Variants in TASOR2 observed in about 807,000 individuals in gnomAD.
The protein encoded by TASOR2 is protein TASOR 2.
In TASOR2, 84 loss-of-function variants were observed where a neutral mutation model predicts 199.5. The ratio of observed to expected loss-of-function variants is 0.42; its 90% confidence interval spans 0.35 to 0.50. The LOEUF (loss-of-function observed/expected upper bound fraction) is 0.50, where lower values mean the gene tolerates loss of function less well. Ranked by LOEUF, TASOR2 falls within the 20% of genes least tolerant of loss-of-function variation. The pLI is 0.02. For missense variants in TASOR2, 2,796 were observed against 2,835.9 expected (o/e 0.99, Z 0.32); for synonymous variants, 1,103 against 1,046.6 (o/e 1.05, Z -1.04).
chr10:5,761,615 C>T, intron 19 of TASOR2, 144 bp downstream of exon 20: 1 of 670,794 alleles, frequency 1.5e-6, no homozygotes. Flanking sequence ...TCTGCTGAAG[C>T]TGAAGCCCTT....
At chr10:5,732,062 G>A (rs1330082377) in intron 11 of TASOR2, among the ~76,000 whole-genome samples, 5 of 152,236 alleles carry the variant, frequency 3.3e-5, no homozygotes, top group African/African-American at 1.2e-4. Context: ...GAGAATTAGA[G>A]TCTTGAGCTA....
At chr10:5,757,825 T>G (rs538093072) in intron 17 of TASOR2, 152 bp downstream of exon 18, 1 of 740,050 alleles carries the variant, frequency 1.4e-6, no homozygotes, top group South Asian at 1.8e-5. Context: ...TGCTGTGCTC[T>G]TTTCATACAG....
intron 3 of TASOR2, among the ~76,000 whole-genome samples, chr10:5,718,254 A>G (rs907685235): frequency 6.6e-6 from 1 of 151,956 alleles, no homozygotes; most frequent in Admixed American, 6.6e-5. Flanking sequence ...TTTTCACCCA[A>G]ACAGAAGGGA....
At chr10:5,724,620 A>ATT (rs1564299058) in intron 8 of TASOR2, 87 bp downstream of exon 9, 7 of 89,566 alleles carry the variant, frequency 7.8e-5, no homozygotes, top group Non-Finnish European at 1.1e-4. Flanking sequence ...ATATATATAT[A>ATT]TTATATATAT....
At chr10:5,759,035 G>A in intron 18 of TASOR2, 43 bp downstream of exon 19, 2 of 1,445,146 alleles carry the variant, frequency 1.4e-6, no homozygotes, top group South Asian at 1.2e-5. Flanking sequence ...CCCTGCTGGG[G>A]TAGCAGAGAA....
At chr10:5,691,505 C>G (rs1836425280) in intron 1 of TASOR2, among the ~76,000 whole-genome samples, 2 of 152,188 alleles carry the variant, frequency 1.3e-5, no homozygotes, top group African/African-American at 4.8e-5. Context: ...TTGTCTCCTA[C>G]TGGATATACT....
rs755837778 is a variant in TASOR2 at position 5,720,309 on chromosome 10, C to T, written c.-99-235C>T. 8 of 985,144 alleles carry T rather than the reference C, an allele frequency of 8.1e-6. No individual in the cohort carries two copies. The highest frequency in any genetic ancestry group is 9.6e-6 in the Non-Finnish European group (8 of 829,812). 61.0% of individuals were successfully genotyped at this position (985,144 alleles called of 1,614,324 possible). A position where few individuals can be genotyped will look rare whatever the true frequency, so the allele number is the denominator to read the frequency against. Reference sequence around the variant, plus strand: ...AATTATACAACTAACTATACTAAGCCATCTTCTGGCTATGATTGCCACGTG... The same window carrying T: ...AATTATACAACTAACTATACTAAGCTATCTTCTGGCTATGATTGCCACGTG... On this transcript the variant is annotated intron_variant, in intron 3 of 20. Coordinates refer to ENST00000328090, the Ensembl canonical transcript of TASOR2. The surrounding 1 kb of genome is among the most constrained non-coding windows in gnomAD (Gnocchi z 5.3).
At position 5,698,858 on chromosome 10, in the gene TASOR2, T is replaced by G. The variant is rs1837460177; in HGVS notation, c.-288+13683T>G. The stretch of plus-strand genomic sequence containing the variant: ...AGTGTTGGTAATGCTGTGAAAAAAT[T>G]GGAACCTTCTGTATACTGCTGGTGG... On this transcript the variant is annotated intron_variant, in intron 1 of 20. Coordinates refer to ENST00000328090, the Ensembl canonical transcript of TASOR2. The surrounding 1 kb of genome is among the most constrained non-coding windows in gnomAD (Gnocchi z 4.4). 6.6e-6 allele frequency among the ~76,000 whole-genome samples: 1 copy of G among 152,178 alleles called. No individual in the cohort carries two copies. Among genetic ancestry groups the G allele is most frequent in the Non-Finnish European group, 1.5e-5 (1 of 68,020 alleles).
In TASOR2 at chr10:5,738,684, T is replaced by A. The variant is rs1835951547; in HGVS notation, c.1448-934T>A. On this transcript the variant is annotated intron_variant, in intron 12 of 20. Transcript: ENST00000328090. This position sits in a 1 kb window ranked among gnomAD's most constrained non-coding sequence, Gnocchi z 4.7. ...CTCATTGGCCTTGGCTGGCAGGTTG[T>A]TAATTCATTTTGGACCTGCTACTAT... Among the ~76,000 whole-genome samples, 1 of 152,252 alleles carries A rather than the reference T, an allele frequency of 6.6e-6. No homozygotes were observed. Among genetic ancestry groups the A allele is most frequent in the Non-Finnish European group, 1.5e-5 (1 of 68,050 alleles).
intron 6 of TASOR2, among the ~76,000 whole-genome samples, chr10:5,723,200 C>T (rs1054807953): frequency 6.6e-6 from 1 of 151,296 alleles, no homozygotes; most frequent in Admixed American, 6.6e-5. Flanking sequence ...GGACTACAGG[C>T]GCCCACCACC....
chr10:5,739,923 C>T (rs1402458789), exon 13 of TASOR2: 1 of 1,614,006 alleles, frequency 6.2e-7, no homozygotes, highest in Non-Finnish European at 8.5e-7. Flanking sequence ...CCATGAATAT[C>T]ATAGAGGAGT....
chr10:5,762,044 A>AAGC (rs1219323333), intron 19 of TASOR2, among the ~76,000 whole-genome samples: 1 of 152,116 alleles, frequency 6.6e-6, no homozygotes, highest in Non-Finnish European at 1.5e-5. Flanking sequence ...TGGGAGGCTG[A>AAGC]AGCAGGTGGA....
At position 5,730,465 on chromosome 10, in the gene TASOR2, A is replaced by C; in HGVS notation, c.488-22A>C. The C allele has an allele frequency of 6.8e-7, 1 of 1,480,794 alleles. No homozygotes were observed. Among genetic ancestry groups the C allele is most frequent in the Non-Finnish European group, 9.1e-7 (1 of 1,103,942 alleles). The allele number at this position is 1,480,794 out of a possible 1,614,324, so 91.7% of individuals were successfully genotyped here. A position where few individuals can be genotyped will look rare whatever the true frequency, so the allele number is the denominator to read the frequency against. ...TTTAAAAAATAAACTTCAGATGTTT[A>C]ATACGTGTGTATATATTCTAGGGGT... On this transcript the variant is annotated intron_variant, in intron 10 of 20. Coordinates refer to ENST00000328090, the Ensembl canonical transcript of TASOR2. The surrounding 1 kb of genome is among the most constrained non-coding windows in gnomAD (Gnocchi z 4.1).
intron 2 of TASOR2, among the ~76,000 whole-genome samples, chr10:5,716,236 T>G (rs982567439): frequency 5.3e-5 from 8 of 152,236 alleles, no homozygotes; most frequent in Admixed American, 6.5e-5. Flanking sequence ...TATTCTGTTA[T>G]GTGGCCATAC....
Position 5,737,444 on chromosome 10 carries a change from C to T in TASOR2, c.1447+1898C>T, listed in dbSNP as rs535935191. Among the ~76,000 whole-genome samples the T allele has an allele frequency of 3.1e-4, 47 of 151,516 alleles. No individual in the cohort carries two copies. The highest frequency in any genetic ancestry group is 5.3e-4 in the Non-Finnish European group (36 of 67,910). ...CCAGATTTGAGCTCTTCTGCTTGTC[C>T]CTCTCGGGAGTTTATGGTGTGGCTG... On this transcript the variant is annotated intron_variant, in intron 12 of 20. Transcript: ENST00000328090. This position sits in a 1 kb window ranked among gnomAD's most constrained non-coding sequence, Gnocchi z 4.9.
chr10:5,757,963 T>G (rs11255047), intron 17 of TASOR2, among the ~76,000 whole-genome samples: 1 of 152,190 alleles, frequency 6.6e-6, no homozygotes, highest in East Asian at 1.9e-4. Flanking sequence ...TTTTATTATA[T>G]TTAGTCTCTT....
chr10:5,758,167 C>T (rs1390634564), intron 17 of TASOR2, among the ~76,000 whole-genome samples: 1 of 152,104 alleles, frequency 6.6e-6, no homozygotes, highest in Non-Finnish European at 1.5e-5. Context: ...TAAAACCTGC[C>T]CCGGCTCTGA....
In TASOR2 at chr10:5,730,877, G is replaced by A; in HGVS notation, c.878G>A (p.Gly293Glu). The A allele has an allele frequency of 6.2e-7, 1 of 1,614,150 alleles. No individual in the cohort carries two copies. Among genetic ancestry groups the A allele is most frequent in the South Asian group, 1.1e-5 (1 of 91,046 alleles). ...CCTCAGTCTCCTTGTGTTTCAGACG[G>A]AATTTGTGATGCTGGATTTTCCTTA... Residue 293 changes from glycine to glutamate, a missense_variant, in exon 11 of 21, where the codon GGA becomes GAA. Gly to Glu is a moderately conservative substitution (Grantham distance 98). Transcript: ENST00000328090. This position sits in a 1 kb window ranked among gnomAD's most constrained non-coding sequence, Gnocchi z 4.1.
At chr10:5,712,961 T>C in intron 2 of TASOR2, 43 bp downstream of exon 2, 1 of 934,122 alleles carries the variant, frequency 1.1e-6, no homozygotes, top group Non-Finnish European at 1.4e-6. Flanking sequence ...ATCATTAGTC[T>C]TAAGTATTGT....
Sources: gnomAD v4.1 joint callset for allele counts (sites outside exome capture counted in the v4.1 genomes callset) on GRCh38, gnomAD v4.1.1 for gene constraint, Gnocchi (gnomAD v3.1) non-coding constraint, MANE v1.5 for transcripts, NCBI Gene and HGNC (gene_info 2026-07-23, HGNC 2026-07-21) for gene names.